Variants in AP3D1 observed in about 807,000 individuals in gnomAD.
The protein encoded by AP3D1 is AP-3 complex subunit delta-1.
In AP3D1, 51 loss-of-function variants were observed where a neutral mutation model predicts 147.6. The ratio of observed to expected loss-of-function variants is 0.35; its 90% CI spans 0.28 to 0.44. The LOEUF (loss-of-function observed/expected upper bound fraction) is 0.44. AP3D1 is among the 20% of genes least tolerant of loss of function. AP3D1 has a pLI of 1.00. For synonymous variants in AP3D1, 760 were observed against 663.0 expected (o/e 1.15, Z -2.25); for missense variants, 1,421 against 1,624.2 (o/e 0.87, Z 2.15).
Position 2,123,417 on chromosome 19 carries a change from G to C in AP3D1, c.907-11C>G. ...TTTCTGAACACAAAGCTGAAAAGAA[G>C]AAAAAAACGATGCTGGTTACATCCT... On this transcript the variant is annotated splice_polypyrimidine_tract_variant and intron_variant, in intron 10 of 31. Coordinates refer to ENST00000643116, the MANE Select transcript of AP3D1 (RefSeq NM_001261826.3). The C allele has an allele frequency of 6.2e-7, 1 of 1,612,354 alleles. No homozygotes were observed. The highest frequency in any genetic ancestry group is 8.5e-7 in the Non-Finnish European group (1 of 1,179,532).
At chr19:2,153,783 G>A (rs988423004), upstream of AP3D1, among the ~76,000 whole-genome samples, 6 of 152,158 alleles carry the variant, frequency 3.9e-5, no homozygotes, top group Non-Finnish European at 7.3e-5. Flanking sequence ...CTGGGTAATA[G>A]AATATGTGTG....
intron 17 of AP3D1, 31 bp downstream of exon 17, chr19:2,116,574 G>T (rs768352763): frequency 1.3e-6 from 2 of 1,548,154 alleles, no homozygotes; most frequent in African/African-American, 1.4e-5. Context: ...GGGAGGAGAC[G>T]AGGGCTCGCC....
Position 2,114,315 on chromosome 19 carries a change from T to C in AP3D1, c.2424-13A>G, listed in dbSNP as rs753805206. ...GTCGGCTAAGGGCCTGGAGGAGGAA[T>C]GACCGGGCCACACATCAGCACCACT... On this transcript the variant is annotated splice_polypyrimidine_tract_variant and intron_variant, in intron 21 of 31. Coordinates refer to ENST00000643116, the MANE Select transcript of AP3D1 (RefSeq NM_001261826.3). 2 of 1,606,382 alleles carry C rather than the reference T, an allele frequency of 1.2e-6. No homozygotes were observed. Among genetic ancestry groups the C allele is most frequent in the South Asian group, 2.2e-5 (2 of 90,842 alleles).
In AP3D1 at chr19:2,113,272, C is replaced by G. The variant is rs1599447475; in HGVS notation, c.2679+64G>C. On this transcript the variant is annotated intron_variant, in intron 23 of 31. Coordinates refer to ENST00000643116, the MANE Select transcript of AP3D1 (RefSeq NM_001261826.3). ...GCCTCAGGAGACCCAGGGCTCTTCC[C>G]TGAGTGCCAGGTATGACCTCTGCAG... The G allele has an allele frequency of 1.4e-5, 13 of 897,290 alleles. No individual in the cohort carries two copies. In the East Asian group the frequency reaches 2.6e-4, roughly 18 times the overall value. 55.6% of individuals were successfully genotyped at this position (897,290 alleles called of 1,614,324 possible).
At chr19:2,102,856 G>A (rs2017997763) in intron 31 of AP3D1, among the ~76,000 whole-genome samples, 1 of 152,160 alleles carries the variant, frequency 6.6e-6, no homozygotes, top group Non-Finnish European at 1.5e-5. Context: ...GCTGAAGCAG[G>A]AGACTCTCTT....
intron 1 of AP3D1, among the ~76,000 whole-genome samples, chr19:2,157,441 C>CA (rs137939397): frequency 0.47 from 46,916 of 99,260 alleles, 13,343 homozygotes; most frequent in African/African-American, 0.56. Flanking sequence ...GACTCCGTCT[C>CA]AAAAAAAAAA....
At chr19:2,143,980 G>T (rs760634941) in intron 1 of AP3D1, among the ~76,000 whole-genome samples, 5 of 151,902 alleles carry the variant, frequency 3.3e-5, no homozygotes, top group African/African-American at 7.3e-5. Context: ...CAGCTACTCG[G>T]GAGGCTGAGG....
At chr19:2,114,325 A>G (rs1206768196) in intron 21 of AP3D1, 23 bp from the exon 22 acceptor site, 2 of 1,593,538 alleles carry the variant, frequency 1.3e-6, no homozygotes, top group Non-Finnish European at 1.7e-6. Flanking sequence ...TGACCGGGCC[A>G]CACATCAGCA....
chr19:2,158,204 C>T (rs532169908), intron 1 of AP3D1, among the ~76,000 whole-genome samples: 3 of 152,116 alleles, frequency 2.0e-5, no homozygotes, highest in South Asian at 4.2e-4. Context: ...TACAGGCACC[C>T]GCCACCACGC....
chr19:2,112,231 T>A, intron 24 of AP3D1: 1 of 236,188 alleles, frequency 4.2e-6, no homozygotes, highest in Non-Finnish European at 8.3e-6. Context: ...GCGGCCCAAG[T>A]GGCTATCAAC....
intron 22 of AP3D1, among the ~76,000 whole-genome samples, chr19:2,113,916 T>C (rs1018560154): frequency 6.6e-6 from 1 of 151,904 alleles, no homozygotes; most frequent in Admixed American, 6.6e-5. Flanking sequence ...GATCGTTGGG[T>C]CCTCCTCAGT....
chr19:2,152,712 C>A (rs1006659781), upstream of AP3D1, among the ~76,000 whole-genome samples: 3 of 151,432 alleles, frequency 2.0e-5, no homozygotes, highest in African/African-American at 7.3e-5. Flanking sequence ...CCCATCTCTA[C>A]TAAAAATACA....
intron 29 of AP3D1, 129 bp downstream of exon 29, chr19:2,109,744 G>C: frequency 1.1e-6 from 1 of 890,036 alleles, no homozygotes; most frequent in Non-Finnish European, 1.8e-6. Flanking sequence ...CACCAGTCAC[G>C]AGCCAGCGCC....
At chr19:2,119,693 CTG>C (rs2018556829) in intron 14 of AP3D1, among the ~76,000 whole-genome samples, 1 of 89,980 alleles carries the variant, frequency 1.1e-5, no homozygotes, top group African/African-American at 4.6e-5. Context: ...GAGCAAGACT[CTG>C]TCTCAAAAAA....
intron 1 of AP3D1, among the ~76,000 whole-genome samples, chr19:2,163,200 A>G (rs993633956): frequency 2.0e-5 from 3 of 152,164 alleles, no homozygotes; most frequent in African/African-American, 7.2e-5. Flanking sequence ...CAGCCCCCGC[A>G]GTAGCTGGGA....
Position 2,137,754 on chromosome 19 carries a change from C to T in AP3D1, c.246G>A (p.Val82=), listed in dbSNP as rs2019115648. 6.2e-7 allele frequency: 1 copy of T among 1,613,930 alleles called. No individual in the cohort carries two copies. Among genetic ancestry groups the T allele is most frequent in the Admixed American group, 1.7e-5 (1 of 59,990 alleles). ...ISWAAFNIIE[V]MSASKFTFKR... is the part of the protein sequence containing the mutation. The stretch of plus-strand genomic sequence containing the variant: ...TGAAGGTGAACTTGGAGGCACTCAT[C>T]ACTTCTATGATGTTGAAGGCGGCCC... Residue 82 remains valine (V), a synonymous_variant, in exon 3 of 32, where the codon GTG becomes GTA. Transcript: ENST00000643116.
intron 10 of AP3D1, 101 bp downstream of exon 10, chr19:2,123,729 G>T (rs2018673848): frequency 8.6e-6 from 12 of 1,398,286 alleles, no homozygotes; most frequent in Non-Finnish European, 1.1e-5. Flanking sequence ...TGGCGTGGGG[G>T]GACCAGCACC....
At chr19:2,102,775 AT>A (rs1240625239) in intron 31 of AP3D1, among the ~76,000 whole-genome samples, 247 of 142,938 alleles carry the variant, frequency 1.7e-3, no homozygotes, top group Admixed American at 3.5e-3. Context: ...AAATAAATAA[AT>A]AAATAAAATA....
At chr19:2,111,429 T>TC (rs762883146) in intron 25 of AP3D1, 97 bp from the exon 26 acceptor site, 2 of 1,470,430 alleles carry the variant, frequency 1.4e-6, no homozygotes, top group African/African-American at 1.4e-5. Context: ...ATGCCACGAC[T>TC]CCAAGAATGC....
Sources: gnomAD v4.1 joint callset for allele counts (sites outside exome capture counted in the v4.1 genomes callset) on GRCh38, gnomAD v4.1.1 for gene constraint, MANE v1.5 for transcripts, NCBI Gene and HGNC (gene_info 2026-07-23, HGNC 2026-07-21) for gene names.